FHIT: variants seen among roughly 807,000 people sequenced by gnomAD.
FHIT encodes the protein bis(5'-adenosyl)-triphosphatase.
A neutral mutation model predicts 17.9 loss-of-function variants in FHIT; 19 were observed. The ratio of observed to expected loss-of-function variants is 1.06; its 90% CI spans 0.74 to 1.56. The LOEUF is 1.56. FHIT is among the 40% of genes most tolerant of loss of function. The pLI, the probability that FHIT is intolerant of heterozygous loss-of-function variation, is 0.00. For missense variants in FHIT, 248 were observed against 189.2 expected (o/e 1.31, Z -1.82); for synonymous variants, 81 against 69.7 (o/e 1.16, Z -0.81).
chr3:60,541,835 A>G (rs551836030), intron 4 of FHIT, among the ~76,000 whole-genome samples: 1 of 152,366 alleles, frequency 6.6e-6, no homozygotes, highest in African/African-American at 2.4e-5. Context: ...GTCATGTACC[A>G]GAAGTTTCTT....
intron 4 of FHIT, among the ~76,000 whole-genome samples, chr3:60,584,927 C>G (rs2037858999): frequency 6.6e-6 from 1 of 152,006 alleles, no homozygotes; most frequent in Non-Finnish European, 1.5e-5. Context: ...CTCCACTAAA[C>G]TACATGAGCC....
chr3:60,051,237 G>A (rs2106880061), intron 5 of FHIT, among the ~76,000 whole-genome samples: 1 of 151,826 alleles, frequency 6.6e-6, no homozygotes, highest in African/African-American at 2.4e-5. Context: ...TTAGCCTGAG[G>A]CTGTCTCCGT....
At chr3:60,331,266 G>A (rs535045052) in intron 5 of FHIT, among the ~76,000 whole-genome samples, 1 of 152,170 alleles carries the variant, frequency 6.6e-6, no homozygotes, top group African/African-American at 2.4e-5. Flanking sequence ...GCACCTCTCA[G>A]TGCCCTTTCC....
chr3:60,179,966 T>C (rs907275381), intron 5 of FHIT, among the ~76,000 whole-genome samples: 1 of 152,184 alleles, frequency 6.6e-6, no homozygotes, highest in Non-Finnish European at 1.5e-5. Flanking sequence ...TCTGAGGAAT[T>C]AGAGCCCAAC....
At chr3:60,221,985 A>T in intron 5 of FHIT, among the ~76,000 whole-genome samples, 1 of 152,038 alleles carries the variant, frequency 6.6e-6, no homozygotes, top group Non-Finnish European at 1.5e-5. Context: ...TTCCATTAGG[A>T]GCACGGCCTT....
At chr3:60,451,409 G>T (rs919865538) in intron 5 of FHIT, among the ~76,000 whole-genome samples, 1 of 151,814 alleles carries the variant, frequency 6.6e-6, no homozygotes, top group Admixed American at 6.6e-5. Flanking sequence ...TCAATAACCC[G>T]AATAAACTCA....
chr3:61,075,976 A>G (rs1239647152), intron 2 of FHIT, among the ~76,000 whole-genome samples: 1 of 152,192 alleles, frequency 6.6e-6, no homozygotes, highest in Non-Finnish European at 1.5e-5. Flanking sequence ...AATTGTGTTG[A>G]GCACTTTACA....
At chr3:59,767,602 G>A (rs1575461663) in intron 8 of FHIT, among the ~76,000 whole-genome samples, 1 of 152,290 alleles carries the variant, frequency 6.6e-6, no homozygotes, top group East Asian at 1.9e-4. Flanking sequence ...AAGGACTGGA[G>A]CCCAACATTA....
At chr3:60,241,210 A>T (rs1705113091) in intron 5 of FHIT, among the ~76,000 whole-genome samples, 1 of 152,162 alleles carries the variant, frequency 6.6e-6, no homozygotes, top group Non-Finnish European at 1.5e-5. Flanking sequence ...AAATTCTGTC[A>T]TAATTCCCTA....
intron 8 of FHIT, among the ~76,000 whole-genome samples, chr3:59,856,361 A>G (rs1702156838): frequency 6.6e-6 from 1 of 152,226 alleles, no homozygotes; most frequent in South Asian, 2.1e-4. Context: ...GTGATTTTAC[A>G]CGCAAATTTT....
chr3:60,189,247 GA>G (rs1295913867), intron 5 of FHIT, among the ~76,000 whole-genome samples: 3 of 151,430 alleles, frequency 2.0e-5, no homozygotes, highest in Non-Finnish European at 4.4e-5. Flanking sequence ...GGGTGGGGGG[GA>G]AAGAGGAGAA....
At chr3:60,340,262 G>A (rs1478585381) in intron 5 of FHIT, among the ~76,000 whole-genome samples, 1 of 152,146 alleles carries the variant, frequency 6.6e-6, no homozygotes, top group East Asian at 1.9e-4. Context: ...TGAAGTTGAA[G>A]GTAAGGTCAC....
intron 2 of FHIT, among the ~76,000 whole-genome samples, chr3:61,107,715 T>G (rs72877872): frequency 1.4e-3 from 209 of 152,308 alleles, no homozygotes; most frequent in African/African-American, 4.9e-3. Flanking sequence ...ATGAACAGTT[T>G]GTGAATCGGG....
intron 5 of FHIT, among the ~76,000 whole-genome samples, chr3:60,175,382 T>C (rs1701623051): frequency 1.3e-5 from 2 of 152,170 alleles, no homozygotes; most frequent in Non-Finnish European, 2.9e-5. Flanking sequence ...GATGACTCTG[T>C]TGTGAATCTG....
At chr3:59,818,490 C>T (rs560880572) in intron 8 of FHIT, among the ~76,000 whole-genome samples, 1 of 151,956 alleles carries the variant, frequency 6.6e-6, no homozygotes, top group African/African-American at 2.4e-5. Context: ...GAGTCATTTA[C>T]AGTAAGATAC....
intron 3 of FHIT, among the ~76,000 whole-genome samples, chr3:60,965,710 AC>A (rs1709699929): frequency 6.6e-6 from 1 of 152,160 alleles, no homozygotes; most frequent in South Asian, 2.1e-4. Flanking sequence ...TCCACTCCAG[AC>A]CCTGTTTGCC....
chr3:60,102,311 C>A (rs773820602), intron 5 of FHIT, among the ~76,000 whole-genome samples: 1 of 152,124 alleles, frequency 6.6e-6, no homozygotes, highest in Non-Finnish European at 1.5e-5. Flanking sequence ...CTGCATTGCA[C>A]AGAAGTCCAG....
chr3:60,018,871 T>C (rs904033924), intron 5 of FHIT, among the ~76,000 whole-genome samples: 1 of 152,030 alleles, frequency 6.6e-6, no homozygotes, highest in Non-Finnish European at 1.5e-5. Context: ...TCCCAGCTAC[T>C]CAGGAGGCAG....
At chr3:59,848,082 G>C (rs1329443832) in intron 8 of FHIT, among the ~76,000 whole-genome samples, 2 of 152,154 alleles carry the variant, frequency 1.3e-5, no homozygotes, top group African/African-American at 2.4e-5. Context: ...TCAGAATACA[G>C]ATCCCAATAT....
Sources: gnomAD v4.1 joint callset for allele counts (sites outside exome capture counted in the v4.1 genomes callset) on GRCh38, gnomAD v4.1.1 for gene constraint, MANE v1.5 for transcripts, NCBI Gene and HGNC (gene_info 2026-07-23, HGNC 2026-07-21) for gene names.